Variants in ENOX1 observed in about 807,000 individuals in gnomAD.
ENOX1 encodes the protein ecto-NOX disulfide-thiol exchanger 1, also known as candidate growth-related and time keeping constitutive hydroquinone (NADH) oxidase.
In ENOX1, 42 loss-of-function variants were observed where a neutral mutation model predicts 82.5. That is an observed-to-expected ratio of 0.51 (90% CI 0.40 to 0.66). ENOX1 has a LOEUF of 0.66. Among genes scored for constraint, ENOX1 ranks in the 30% least tolerant of loss-of-function variants. ENOX1 has a pLI of 0.00. For synonymous variants in ENOX1, 271 were observed against 282.2 expected (o/e 0.96, Z 0.40); for missense variants, 608 against 811.6 (o/e 0.75, Z 3.05).
intron 2 of ENOX1, among the ~76,000 whole-genome samples, chr13:43,595,042 A>G (rs952798782): frequency 2.0e-5 from 3 of 150,670 alleles, no homozygotes; most frequent in African/African-American, 7.3e-5. Flanking sequence ...CTGGAAGGAC[A>G]GTGCTGTGGA....
intron 2 of ENOX1, among the ~76,000 whole-genome samples, chr13:43,510,821 A>T (rs1389346447): frequency 6.6e-6 from 1 of 152,096 alleles, no homozygotes; most frequent in Non-Finnish European, 1.5e-5. Context: ...CCTAACTTAT[A>T]GGGTTGTGAT....
At chr13:43,374,782 G>A (rs1171073954) in intron 5 of ENOX1, among the ~76,000 whole-genome samples, 2 of 152,176 alleles carry the variant, frequency 1.3e-5, no homozygotes, top group African/African-American at 2.4e-5. Flanking sequence ...AGGAAGTTGA[G>A]GTTTGGCAGA....
At chr13:43,505,792 T>C (rs1185407985) in intron 2 of ENOX1, among the ~76,000 whole-genome samples, 2 of 152,130 alleles carry the variant, frequency 1.3e-5, no homozygotes, top group African/African-American at 4.8e-5. Context: ...TTTGTTGCCG[T>C]TGCTTTTGGT....
chr13:43,594,774 G>A (rs1025639292), intron 2 of ENOX1, among the ~76,000 whole-genome samples: 7 of 152,100 alleles, frequency 4.6e-5, no homozygotes, highest in African/African-American at 1.7e-4. Flanking sequence ...CCTCACGACC[G>A]AAGTTGAACC....
intron 2 of ENOX1, among the ~76,000 whole-genome samples, chr13:43,506,593 CCAA>C (rs1179232727): frequency 7.4e-6 from 1 of 135,178 alleles, no homozygotes; most frequent in East Asian, 2.0e-4. Context: ...ACCCAAATGT[CCAA>C]CAACGATAGA....
chr13:43,309,007 C>T (rs1483146757), intron 11 of ENOX1, among the ~76,000 whole-genome samples: 6 of 147,846 alleles, frequency 4.1e-5, no homozygotes, highest in Non-Finnish European at 5.9e-5. Context: ...GCCCTCTGAC[C>T]TCATCTGCTC....
At chr13:43,261,565 CATGTCTTTGACTTGGAACCAACCCAA>C (rs1484423227) in intron 14 of ENOX1, among the ~76,000 whole-genome samples, 1 of 152,070 alleles carries the variant, frequency 6.6e-6, no homozygotes, top group Non-Finnish European at 1.5e-5. Flanking sequence ...CGTTAAAAAT[CATGTCTTTGACTTGGAACCAACCCAA>C]ATGTCCAACA....
At chr13:43,594,477 A>G (rs188761470) in intron 2 of ENOX1, among the ~76,000 whole-genome samples, 237 of 152,336 alleles carry the variant, frequency 1.6e-3, no homozygotes, top group Admixed American at 3.2e-3. Context: ...TTCAGTTCAA[A>G]AGGCTAATTA....
chr13:43,761,530 A>G (rs949258247), intron 1 of ENOX1, among the ~76,000 whole-genome samples: 3 of 152,240 alleles, frequency 2.0e-5, no homozygotes, highest in Non-Finnish European at 4.4e-5. Flanking sequence ...CATGTTACAA[A>G]TATCAACTCC....
At chr13:43,583,765 C>T (rs933231652) in intron 2 of ENOX1, among the ~76,000 whole-genome samples, 1 of 151,996 alleles carries the variant, frequency 6.6e-6, no homozygotes, top group African/African-American at 2.4e-5. Flanking sequence ...TTATTTTCAG[C>T]CATGTATTAC....
At chr13:43,684,617 T>A (rs2085970354) in intron 1 of ENOX1, among the ~76,000 whole-genome samples, 1 of 152,182 alleles carries the variant, frequency 6.6e-6, no homozygotes, top group Admixed American at 6.5e-5. Context: ...ATATTTGTTT[T>A]TGAGGCCCTG....
intron 2 of ENOX1, among the ~76,000 whole-genome samples, chr13:43,534,548 G>A (rs558163422): frequency 6.6e-6 from 1 of 152,282 alleles, no homozygotes; most frequent in East Asian, 1.9e-4. Context: ...GAAGACGGTA[G>A]GTGTACCTAG....
intron 2 of ENOX1, among the ~76,000 whole-genome samples, chr13:43,651,067 C>T (rs543609534): frequency 6.6e-6 from 1 of 152,138 alleles, no homozygotes; most frequent in Non-Finnish European, 1.5e-5. Flanking sequence ...ATGTGGCTTC[C>T]GTGTTTCTAT....
chr13:43,345,535 G>GA (rs1395312344), intron 8 of ENOX1, among the ~76,000 whole-genome samples: 1 of 152,136 alleles, frequency 6.6e-6, no homozygotes, highest in Non-Finnish European at 1.5e-5. Flanking sequence ...CTATTTCAAA[G>GA]AAAACAGACT....
intron 5 of ENOX1, among the ~76,000 whole-genome samples, chr13:43,400,693 G>A (rs901508855): frequency 6.6e-6 from 1 of 152,066 alleles, no homozygotes; most frequent in African/African-American, 2.4e-5. Context: ...AGCATTCAAG[G>A]ACAACAAAAA....
At chr13:43,695,385 C>A (rs115634232) in intron 1 of ENOX1, among the ~76,000 whole-genome samples, 2 of 151,976 alleles carry the variant, frequency 1.3e-5, no homozygotes, top group Non-Finnish European at 2.9e-5. Flanking sequence ...AGAGGGCTCA[C>A]CTTGGTTCAA....
intron 1 of ENOX1, among the ~76,000 whole-genome samples, chr13:43,734,200 GT>G (rs2089493270): frequency 0.01 from 9 of 858 alleles, no homozygotes; most frequent in South Asian, 0.056. Flanking sequence ...TTTGTTGTTG[GT>G]TGTTGTTGTT....
intron 1 of ENOX1, among the ~76,000 whole-genome samples, chr13:43,677,391 G>A (rs1225429038): frequency 6.6e-6 from 1 of 152,172 alleles, no homozygotes; most frequent in Non-Finnish European, 1.5e-5. Context: ...GGCTTTTGGT[G>A]CCACTATGAG....
At chr13:43,310,838 C>T (rs968450239) in intron 11 of ENOX1, among the ~76,000 whole-genome samples, 2 of 151,854 alleles carry the variant, frequency 1.3e-5, no homozygotes, top group Admixed American at 1.3e-4. Flanking sequence ...ATCAAGGTCA[C>T]CTCATAAACT....
Sources: allele counts gnomAD v4.1 joint callset (sites outside exome capture counted in the v4.1 genomes callset), GRCh38; gene constraint gnomAD v4.1.1; transcripts MANE v1.5; gene names NCBI Gene and HGNC (gene_info 2026-07-23, HGNC 2026-07-21).